Variants in OSBP2 observed in about 807,000 individuals in gnomAD.
The protein encoded by OSBP2 is oxysterol binding protein 2.
A neutral mutation model predicts 96.0 loss-of-function variants in OSBP2; 66 were observed. The ratio of observed to expected loss-of-function variants is 0.69; its 90% CI spans 0.56 to 0.84. The LOEUF is 0.84. OSBP2 is among the 40% of genes least tolerant of loss of function. The pLI is 0.00. For missense variants in OSBP2, 1,038 were observed against 1,222.7 expected (o/e 0.85, Z 2.25); for synonymous variants, 525 against 520.9 (o/e 1.01, Z -0.11).
At chr22:30,780,484 A>G (rs136306) in intron 2 of OSBP2, among the ~76,000 whole-genome samples, 68,399 of 152,012 alleles carry the variant, frequency 0.45, 17,227 homozygotes, top group African/African-American at 0.7. Context: ...AGACTTCACT[A>G]AACTGTTTTT....
Position 30,703,494 on chromosome 22 carries a change from T to TA in OSBP2, c.644+7942dup, listed in dbSNP as rs1166262471. 4.2e-5 allele frequency among the ~76,000 whole-genome samples: 6 copies of TA among 142,074 alleles called. No homozygotes were observed. In the East Asian group the frequency reaches 1.3e-3, roughly 30 times the overall value. The allele number at this position is 142,074 out of a possible 152,430, so 93.2% of individuals were successfully genotyped here. ...CGGCCTTATAGCTTTTTTTTTTTTT[T>TA]AGACAGAATCTCACTCTGTTGCCCA... On this transcript the variant is annotated intron_variant, in intron 1 of 13. Coordinates refer to ENST00000332585, the MANE Select transcript of OSBP2 (RefSeq NM_030758.4).
chr22:30,803,511 C>T (rs541198459), intron 2 of OSBP2, among the ~76,000 whole-genome samples: 5 of 152,334 alleles, frequency 3.3e-5, no homozygotes, highest in African/African-American at 1.2e-4. Context: ...GACAGCTTCC[C>T]GTCTCTGGTC....
intron 2 of OSBP2, among the ~76,000 whole-genome samples, chr22:30,776,266 C>T (rs112701881): frequency 4.7e-4 from 72 of 152,002 alleles, no homozygotes; most frequent in African/African-American, 1.7e-3. Flanking sequence ...GCTGGGACCA[C>T]AGGTGCATGC....
At chr22:30,889,985 G>A (rs1477844109) in intron 7 of OSBP2, among the ~76,000 whole-genome samples, 1 of 152,106 alleles carries the variant, frequency 6.6e-6, no homozygotes, top group African/African-American at 2.4e-5. Context: ...GTGGAGGGGT[G>A]GGCCCTCCTT....
At chr22:30,761,773 A>G (rs1251822929) in intron 2 of OSBP2, among the ~76,000 whole-genome samples, 1 of 152,262 alleles carries the variant, frequency 6.6e-6, no homozygotes, top group Non-Finnish European at 1.5e-5. Flanking sequence ...TGGAGAGTCC[A>G]GAAATGGGCC....
At chr22:30,778,757 C>T (rs1030780297) in intron 2 of OSBP2, among the ~76,000 whole-genome samples, 3 of 152,122 alleles carry the variant, frequency 2.0e-5, no homozygotes, top group Middle Eastern at 3.4e-3. Flanking sequence ...GATTTATGGC[C>T]GGGCACAGTG....
At chr22:30,791,326 T>C (rs1329049371) in intron 2 of OSBP2, among the ~76,000 whole-genome samples, 1 of 132,394 alleles carries the variant, frequency 7.6e-6, no homozygotes, top group Non-Finnish European at 1.6e-5. Flanking sequence ...TTCTTCTTTT[T>C]TTTTTTTTTT....
chr22:30,789,013 A>C (rs1327570441), intron 2 of OSBP2, among the ~76,000 whole-genome samples: 1 of 152,150 alleles, frequency 6.6e-6, no homozygotes, highest in Non-Finnish European at 1.5e-5. Flanking sequence ...ACACCTGGCC[A>C]AACAATTTAT....
chr22:30,885,818 G>T (rs1383398506), intron 3 of OSBP2, among the ~76,000 whole-genome samples: 2 of 152,250 alleles, frequency 1.3e-5, no homozygotes, highest in Non-Finnish European at 2.9e-5. Context: ...TGCTGGGGAG[G>T]CAGCGTGCAG....
intron 2 of OSBP2, among the ~76,000 whole-genome samples, chr22:30,750,875 GTTA>G (rs961424449): frequency 1.2e-4 from 19 of 152,138 alleles, no homozygotes; most frequent in Admixed American, 6.5e-5. Context: ...TTTCTGAGTA[GTTA>G]TTATAGGCAT....
intron 11 of OSBP2, 38 bp from the exon 12 acceptor site, chr22:30,893,779 A>G: frequency 1.9e-6 from 3 of 1,610,174 alleles, no homozygotes; most frequent in East Asian, 4.5e-5. Flanking sequence ...GGCCCAGGGC[A>G]GAGTCTGCAC....
chr22:30,709,945 C>T (rs2089320883), intron 1 of OSBP2, among the ~76,000 whole-genome samples: 1 of 151,608 alleles, frequency 6.6e-6, no homozygotes, highest in Non-Finnish European at 1.5e-5. Flanking sequence ...TGCAGTGGTG[C>T]AATCTCAGCG....
intron 2 of OSBP2, among the ~76,000 whole-genome samples, chr22:30,810,568 C>G (rs539563173): frequency 6.6e-6 from 1 of 152,066 alleles, no homozygotes. Flanking sequence ...GAGCTTCAGC[C>G]GGAAGCCTGG....
intron 1 of OSBP2, among the ~76,000 whole-genome samples, chr22:30,697,783 C>G (rs1247122043): frequency 6.6e-6 from 1 of 152,136 alleles, no homozygotes; most frequent in African/African-American, 2.4e-5. Context: ...TTGTTGCTGA[C>G]CTTACCCAGG....
At chr22:30,708,959 G>T (rs2089301024) in intron 1 of OSBP2, among the ~76,000 whole-genome samples, 1 of 151,798 alleles carries the variant, frequency 6.6e-6, no homozygotes, top group African/African-American at 2.4e-5. Context: ...AATTAGCCGG[G>T]TATGGTGGTG....
At chr22:30,900,254 C>CA (rs200271401) in intron 12 of OSBP2, among the ~76,000 whole-genome samples, 2,541 of 108,316 alleles carry the variant, frequency 0.023, 76 homozygotes, top group Admixed American at 0.099. Context: ...AACTCCATCT[C>CA]AAAAAAAAAA....
At chr22:30,827,039 T>C (rs2038420150) in intron 2 of OSBP2, among the ~76,000 whole-genome samples, 1 of 151,834 alleles carries the variant, frequency 6.6e-6, no homozygotes, top group Non-Finnish European at 1.5e-5. Flanking sequence ...TATTGGAGGA[T>C]GAGTAAGTGG....
rs136288 is a variant in OSBP2 at position 30,795,518 on chromosome 22, A to ATTTTT, written c.853+54163_853+54167dup. Among the ~76,000 whole-genome samples, 674 of 122,242 alleles carry ATTTTT rather than the reference A, an allele frequency of 5.5e-3. 9 individuals carry two copies. Among genetic ancestry groups the ATTTTT allele is most frequent in the African/African-American group, 9.6e-3 (306 of 32,028 alleles). 80.2% of individuals were successfully genotyped at this position (122,242 alleles called of 152,430 possible). ...TTCTGCCGTTAAACCTATCCAATGCATTTTTTTTTTTTTTTTTTGAGATGG... is the reference window on the plus strand; with the variant it reads ...TTCTGCCGTTAAACCTATCCAATGCATTTTTTTTTTTTTTTTTTTTTTTGAGATGG... On this transcript the variant is annotated intron_variant, in intron 2 of 13. Coordinates refer to ENST00000332585, the MANE Select transcript of OSBP2 (RefSeq NM_030758.4).
intron 2 of OSBP2, chr22:30,842,563 C>T (rs938194166): frequency 1.3e-5 from 2 of 152,310 alleles, no homozygotes; most frequent in Non-Finnish European, 2.9e-5. Flanking sequence ...GAACTTCTTT[C>T]AAAATTGGAA....
Sources: allele counts gnomAD v4.1 joint callset (sites outside exome capture counted in the v4.1 genomes callset), GRCh38; gene constraint gnomAD v4.1.1; transcripts MANE v1.5; gene names NCBI Gene and HGNC (gene_info 2026-07-23, HGNC 2026-07-21).